The following UPRT variants were observed in gnomAD, a reference collection of about 807,000 sequenced individuals.
The protein encoded by UPRT is uracil phosphoribosyltransferase homolog.
In UPRT, 5 loss-of-function variants were observed where a neutral mutation model predicts 22.6. The observed-to-expected ratio is 0.22, with a 90% CI of 0.12 to 0.47. UPRT has a LOEUF of 0.47. Among genes scored for constraint, UPRT ranks in the 20% least tolerant of loss-of-function variants. The pLI is 0.99. For missense variants in UPRT, 181 were observed against 239.9 expected, an observed-to-expected ratio of 0.75 and a Z score of 1.62; for synonymous variants, 77 against 87.7, an observed-to-expected ratio of 0.88 and a Z score of 0.68.
intron 4 of UPRT, among the ~76,000 whole-genome samples, chrX:75,219,242 G>A (rs1034689665): frequency 9.0e-6 from 1 of 111,708 alleles, no homozygotes; most frequent in Non-Finnish European, 1.9e-5. Flanking sequence ...TAGTCCATAA[G>A]GATCTCGGAA....
intron 4 of UPRT, among the ~76,000 whole-genome samples, chrX:75,231,988 C>T (rs927809639): frequency 3.6e-5 from 4 of 111,936 alleles, no homozygotes; most frequent in African/African-American, 1.3e-4. Flanking sequence ...GCATGAGCGA[C>T]GCAGAAGCCG....
At chrX:75,232,173 G>A (rs1473774044) in intron 4 of UPRT, among the ~76,000 whole-genome samples, 1 of 112,275 alleles carries the variant, frequency 8.9e-6, no homozygotes, top group Non-Finnish European at 1.9e-5. Context: ...AAAGAAAGGG[G>A]TGACAGACGG....
intron 2 of UPRT, among the ~76,000 whole-genome samples, chrX:75,162,411 G>A (rs1404256357): frequency 9.0e-6 from 1 of 111,731 alleles, no homozygotes; most frequent in Non-Finnish European, 1.9e-5. Flanking sequence ...TAATAACTCA[G>A]TATGATGTTT....
chrX:75,162,139 C>T (rs1368905580), intron 2 of UPRT, among the ~76,000 whole-genome samples: 2 of 99,691 alleles, frequency 2.0e-5, no homozygotes, highest in Non-Finnish European at 4.0e-5. Flanking sequence ...TTAGTAGAGA[C>T]GGGGGTCTTA....
Position 75,303,642 on chromosome X carries a change from T to C in UPRT, c.*131T>C. On this transcript the variant is annotated 3_prime_UTR_variant, in exon 7 of 7. Coordinates refer to ENST00000373383, the MANE Select transcript of UPRT (RefSeq NM_145052.4). ...TGCTTTTTAGTTTTGGAAGTGGGTA[T>C]ATTTGAGGTTATATCTCATTTAGTT... 2.1e-6 allele frequency: 1 copy of C among 471,450 alleles called. No individual in the cohort carries two copies. Among genetic ancestry groups the C allele is most frequent in the Non-Finnish European group, 3.5e-6 (1 of 287,334 alleles). 38.9% of individuals were successfully genotyped at this position (471,450 alleles called of 1,213,427 possible).
chrX:75,265,450 CCTTT>C (rs1569277976), intron 4 of UPRT, among the ~76,000 whole-genome samples: 1 of 111,821 alleles, frequency 8.9e-6, no homozygotes, highest in Non-Finnish European at 1.9e-5. Context: ...TCACTTATAC[CCTTT>C]CTTCAAGTTG....
chrX:75,233,397 C>T (rs2082446898), intron 4 of UPRT, among the ~76,000 whole-genome samples: 1 of 111,119 alleles, frequency 9.0e-6, no homozygotes, highest in African/African-American at 3.3e-5. Context: ...CCCAATCTCG[C>T]AAGGCAGGCC....
At chrX:75,210,835 C>A (rs143483681) in intron 4 of UPRT, among the ~76,000 whole-genome samples, 4 of 111,073 alleles carry the variant, frequency 3.6e-5, no homozygotes, top group African/African-American at 9.8e-5. Flanking sequence ...AAGCATCTCA[C>A]GTCATTTACC....
chrX:75,283,427 T>TA (rs1344961222), intron 1 of UPRT, among the ~76,000 whole-genome samples: 5 of 111,607 alleles, frequency 4.5e-5, no homozygotes, highest in African/African-American at 1.6e-4. Flanking sequence ...TCTGTTTTGA[T>TA]GTGTTTCCAG....
At chrX:75,272,304 A>ATG (rs1569279389), upstream of UPRT, among the ~76,000 whole-genome samples, 5 of 17,395 alleles carry the variant, frequency 2.9e-4, no homozygotes, top group African/African-American at 3.4e-4. Context: ...ATATGTGTAT[A>ATG]TATATGTGTA....
At chrX:75,236,611 A>G (rs191738072) in intron 4 of UPRT, among the ~76,000 whole-genome samples, 2 of 112,155 alleles carry the variant, frequency 1.8e-5, no homozygotes, top group Admixed American at 1.9e-4. Context: ...ATATAGATCA[A>G]TGGAACAGAA....
intron 4 of UPRT, among the ~76,000 whole-genome samples, chrX:75,221,472 G>T (rs1449839491): frequency 9.0e-6 from 1 of 110,734 alleles, no homozygotes; most frequent in African/African-American, 3.3e-5. Context: ...CCCCCTTTGA[G>T]GCTATTTTCT....
chrX:75,176,088 G>A (rs1200989281), intron 4 of UPRT, among the ~76,000 whole-genome samples: 1 of 111,286 alleles, frequency 9.0e-6, no homozygotes, highest in Non-Finnish European at 1.9e-5. Flanking sequence ...AGCCGCTCGA[G>A]GAAGGCAGAA....
At chrX:75,274,774 TGGTGTG>T in intron 1 of UPRT, 134 bp downstream of exon 1, 1 of 588,748 alleles carries the variant, frequency 1.7e-6, no homozygotes, top group Non-Finnish European at 2.4e-6. Context: ...ACCTTTTATT[TGGTGTG>T]TGTGTGTGTG....
chrX:75,203,633 C>G (rs1461903629), intron 4 of UPRT, among the ~76,000 whole-genome samples: 2 of 111,172 alleles, frequency 1.8e-5, no homozygotes, highest in East Asian at 5.7e-4. Flanking sequence ...CCACTGTTTA[C>G]AGGCTTGGAC....
intron 4 of UPRT, among the ~76,000 whole-genome samples, chrX:75,266,894 T>A (rs927709496): frequency 6.3e-5 from 7 of 111,526 alleles, no homozygotes; most frequent in Non-Finnish European, 7.5e-5. Flanking sequence ...TGAGATACCA[T>A]CTCACACCAG....
chrX:75,194,971 C>T (rs746850835), intron 4 of UPRT, among the ~76,000 whole-genome samples: 11 of 109,756 alleles, frequency 1.0e-4, no homozygotes, highest in Non-Finnish European at 2.1e-4. Context: ...GGCAGCATGG[C>T]GGGGGGCACG....
At chrX:75,164,945 T>C (rs141111712) in intron 3 of UPRT, among the ~76,000 whole-genome samples, 2 of 109,294 alleles carry the variant, frequency 1.8e-5, no homozygotes, top group African/African-American at 6.6e-5. Context: ...AATGAAGTAA[T>C]TATGATAAAT....
At chrX:75,261,517 C>G (rs919444312) in intron 4 of UPRT, among the ~76,000 whole-genome samples, 11 of 111,667 alleles carry the variant, frequency 9.9e-5, no homozygotes, top group Admixed American at 7.6e-4. Context: ...GAAATTGAAG[C>G]AATAATTAAT....
Sources: allele counts gnomAD v4.1 joint callset (sites outside exome capture counted in the v4.1 genomes callset), GRCh38; gene constraint gnomAD v4.1.1; transcripts MANE v1.5; gene names NCBI Gene and HGNC (gene_info 2026-07-23, HGNC 2026-07-21).